The following DRG2 variants were observed in gnomAD, a reference collection of about 807,000 sequenced individuals.
DRG2 encodes developmentally-regulated GTP-binding protein 2.
In DRG2, 36 loss-of-function variants were observed where a neutral mutation model predicts 53.4. The observed-to-expected ratio is 0.67, with a 90% CI of 0.52 to 0.89. The LOEUF is 0.89. DRG2 is among the 40% of genes least tolerant of loss of function. The pLI is 0.00. For synonymous variants in DRG2, 167 were observed against 192.1 expected, an observed-to-expected ratio of 0.87 and a Z score of 1.08; for missense variants, 342 against 481.2, an observed-to-expected ratio of 0.71 and a Z score of 2.71.
chr17:18,104,742 G>T, intron 11 of DRG2, 61 bp downstream of exon 11: 2 of 1,611,914 alleles, frequency 1.2e-6, no homozygotes, highest in South Asian at 2.2e-5. Flanking sequence ...TTGGGGCTCT[G>T]TTCTGCCTGA....
chr17:18,100,912 T>C lies in DRG2; in HGVS notation c.631+253T>C, dbSNP rs1303474393. On this transcript the variant is annotated intron_variant, in intron 7 of 12. Coordinates refer to ENST00000225729, the MANE Select transcript of DRG2 (RefSeq NM_001388.5). This position sits in a 1 kb window ranked among gnomAD's most constrained non-coding sequence, Gnocchi z 4.1. ...CCAGATGACATCCGGAAGAAAAAGA[T>C]GTCATGGGAAACAGCCTCTGAGGAC... Among the ~76,000 whole-genome samples the C allele has an allele frequency of 1.3e-5, 2 of 152,056 alleles. No homozygotes were observed. The highest frequency in any genetic ancestry group is 2.4e-5 in the African/African-American group (1 of 41,404).
chr17:18,100,080 C>A lies in DRG2; in HGVS notation c.468-283C>A. 1 of 578,330 alleles carries A rather than the reference C, an allele frequency of 1.7e-6. No homozygotes were observed. The highest frequency in any genetic ancestry group is 3.1e-6 in the Non-Finnish European group (1 of 323,900). 35.8% of individuals were successfully genotyped at this position (578,330 alleles called of 1,614,324 possible). On this transcript the variant is annotated intron_variant, in intron 5 of 12. Coordinates refer to ENST00000225729, the MANE Select transcript of DRG2 (RefSeq NM_001388.5). This position sits in a 1 kb window ranked among gnomAD's most constrained non-coding sequence, Gnocchi z 4.1. ...GAGGGGTACACCAGGCCTGCCTCCT[C>A]GGGACCAGAAGGAGTACCCTCATGT... is the stretch of plus-strand genomic sequence containing the variant.
At chr17:18,090,384 ATATATATATATATATATATATATTT>A (rs1196775514) in intron 1 of DRG2, among the ~76,000 whole-genome samples, 7 of 9,286 alleles carry the variant, frequency 7.5e-4, no homozygotes, top group African/African-American at 4.7e-3. Flanking sequence ...ATATATATAT[ATATATATATATATATATATATATTT>A]TTTTTTTTTT....
intron 2 of DRG2, among the ~76,000 whole-genome samples, chr17:18,095,001 A>AG (rs2045406600): frequency 6.6e-6 from 1 of 150,738 alleles, no homozygotes; most frequent in Non-Finnish European, 1.5e-5. Context: ...AAAAAAAAAA[A>AG]AAGAAGGTTT....
chr17:18,098,914 C>T lies in DRG2; in HGVS notation c.316-103C>T, dbSNP rs2045478337. ...CACAGGTTGGCATCTGGGTTTCCCT[C>T]AGCCCCTGAGCCCCGGGGCCATTCC... On this transcript the variant is annotated intron_variant, in intron 3 of 12. Transcript: ENST00000225729. This position sits in a 1 kb window ranked among gnomAD's most constrained non-coding sequence, Gnocchi z 4.1. 1 of 1,360,502 alleles carries T rather than the reference C, an allele frequency of 7.4e-7. No homozygotes were observed. The highest frequency in any genetic ancestry group is 1.4e-5 in the African/African-American group (1 of 69,544). The allele number at this position is 1,360,502 out of a possible 1,614,324, so 84.3% of individuals were successfully genotyped here.
intron 1 of DRG2, among the ~76,000 whole-genome samples, chr17:18,092,893 TG>T (rs2045359031): frequency 2.0e-5 from 3 of 152,190 alleles, no homozygotes; most frequent in Admixed American, 2.0e-4. Context: ...GATCCCAGAA[TG>T]GTGAGCAGCT....
chr17:18,098,536 A>G lies in DRG2; in HGVS notation c.315+177A>G. 1.7e-6 allele frequency: 1 copy of G among 577,452 alleles called. No homozygotes were observed. Among genetic ancestry groups the G allele is most frequent in the Non-Finnish European group, 3.1e-6 (1 of 321,610 alleles). 35.8% of individuals were successfully genotyped at this position (577,452 alleles called of 1,614,324 possible). A position where few individuals can be genotyped will look rare whatever the true frequency, so the allele number is the denominator to read the frequency against. On this transcript the variant is annotated intron_variant, in intron 3 of 12. Transcript: ENST00000225729. This position sits in a 1 kb window ranked among gnomAD's most constrained non-coding sequence, Gnocchi z 4.1. ...CTGGGGATCCTAGCTGCTGGACCCC[A>G]GAGATGCCTGGTGGGGCCTGGAACT...
chr17:18,101,736 G>T (rs1400740331), intron 8 of DRG2, 146 bp downstream of exon 8: 7 of 1,072,588 alleles, frequency 6.5e-6, no homozygotes, highest in Non-Finnish European at 2.7e-6. Flanking sequence ...CTTGGATCTT[G>T]CAGACATAGA....
rs1209466971 is a variant in DRG2, at chr17:18,101,338, G to C, written c.632-155G>C. The stretch of plus-strand genomic sequence containing the variant: ...GTCCCTCTGGGGAAGAGAACAGAGG[G>C]CTTCCAAAGCATTACAATCTTGCAA... On this transcript the variant is annotated intron_variant, in intron 7 of 12. Transcript: ENST00000225729. 2.0e-5 allele frequency among the ~76,000 whole-genome samples: 3 copies of C among 152,260 alleles called. No individual in the cohort carries two copies. In the South Asian group the frequency reaches 6.2e-4, roughly 32 times the overall value.
At chr17:18,092,055 G>C (rs1320481029) in intron 1 of DRG2, 1 of 152,186 alleles carries the variant, frequency 6.6e-6, no homozygotes, top group Admixed American at 6.5e-5. Flanking sequence ...AGTGACATTT[G>C]AGCTGCACCT....
Position 18,107,427 on chromosome 17 carries a change from G to C in DRG2, c.*187G>C. Reference sequence around the variant, plus strand: ...AGAGTGTGTTGGGGCAAAGGGGCTCGGTTGGAGGCATTTCCCATAAGACTG... The same window carrying C: ...AGAGTGTGTTGGGGCAAAGGGGCTCCGTTGGAGGCATTTCCCATAAGACTG... On this transcript the variant is annotated 3_prime_UTR_variant, in exon 13 of 13. Transcript: ENST00000225729. The C allele has an allele frequency of 1.6e-6, 1 of 625,750 alleles. No individual in the cohort carries two copies. Among genetic ancestry groups the C allele is most frequent in the Non-Finnish European group, 2.8e-6 (1 of 354,830 alleles). 38.8% of individuals were successfully genotyped at this position (625,750 alleles called of 1,614,324 possible).
intron 12 of DRG2, 121 bp from the exon 13 acceptor site, chr17:18,107,033 C>T: frequency 3.5e-6 from 3 of 846,118 alleles, no homozygotes; most frequent in Non-Finnish European, 5.6e-6. Context: ...CATCCTGCTG[C>T]CTGAGGCCCC....
Position 18,098,996 on chromosome 17 carries a change from TTCTTC to T in DRG2, c.316-14_316-10del, listed in dbSNP as rs2045480267. 3.1e-6 allele frequency: 5 copies of T among 1,613,628 alleles called. No individual in the cohort carries two copies. The highest frequency in any genetic ancestry group is 1.7e-5 in the Admixed American group (1 of 59,984). On this transcript the variant is annotated splice_polypyrimidine_tract_variant and intron_variant, in intron 3 of 12. Coordinates refer to ENST00000225729, the MANE Select transcript of DRG2 (RefSeq NM_001388.5). This position sits in a 1 kb window ranked among gnomAD's most constrained non-coding sequence, Gnocchi z 4.1. Reference sequence around the variant, plus strand: ...GTGGAGGCCCAGCCTTGCCTTACCTTTCTTCTCTTCTGCATCCTAGTACAAAGGTG... The same window carrying T: ...GTGGAGGCCCAGCCTTGCCTTACCTTTCTTCTGCATCCTAGTACAAAGGTG...
rs563220525 is a variant in DRG2, at chr17:18,099,226, A to G, written c.376+149A>G. Reference sequence around the variant, plus strand: ...ACAGGTTCCAGTTCAAATCCTTGGCACCAAACTAGCCTTGTGATCTTGGGC... The same window carrying G: ...ACAGGTTCCAGTTCAAATCCTTGGCGCCAAACTAGCCTTGTGATCTTGGGC... On this transcript the variant is annotated intron_variant, in intron 4 of 12. Transcript: ENST00000225729. This position sits in a 1 kb window ranked among gnomAD's most constrained non-coding sequence, Gnocchi z 4.4. The G allele has an allele frequency of 2.0e-6, 2 of 1,017,372 alleles. No individual in the cohort carries two copies. The highest frequency in any genetic ancestry group is 3.1e-5 in the South Asian group (2 of 64,046). 63.0% of individuals were successfully genotyped at this position (1,017,372 alleles called of 1,614,324 possible). A position where few individuals can be genotyped will look rare whatever the true frequency, so the allele number is the denominator to read the frequency against.
At position 18,098,586 on chromosome 17, in the gene DRG2, A is replaced by G; in HGVS notation, c.315+227A>G. 4.0e-6 allele frequency: 2 copies of G among 501,676 alleles called. No individual in the cohort carries two copies. Among genetic ancestry groups the G allele is most frequent in the Non-Finnish European group, 7.3e-6 (2 of 274,896 alleles). The allele number at this position is 501,676 out of a possible 1,614,324, so 31.1% of individuals were successfully genotyped here. Reference sequence around the variant, plus strand: ...TAGGAGGTCAGGCCAGCATGTGGCTACTTTGCCTGGCGCCCCCTGTGCTCT... The same window carrying G: ...TAGGAGGTCAGGCCAGCATGTGGCTGCTTTGCCTGGCGCCCCCTGTGCTCT... On this transcript the variant is annotated intron_variant, in intron 3 of 12. Transcript: ENST00000225729. This position sits in a 1 kb window ranked among gnomAD's most constrained non-coding sequence, Gnocchi z 4.1.
chr17:18,088,217 C>G (rs2045250334), intron 1 of DRG2, 130 bp downstream of exon 1: 2 of 1,185,402 alleles, frequency 1.7e-6, no homozygotes, highest in East Asian at 5.4e-5. Flanking sequence ...AGACAAGTGC[C>G]GAGGCCGCCC....
intron 12 of DRG2, 132 bp downstream of exon 12, chr17:18,106,618 C>A: frequency 1.0e-6 from 1 of 990,072 alleles, no homozygotes; most frequent in Non-Finnish European, 1.5e-6. Context: ...GTCTGTGTGT[C>A]TGTCCTCCAT....
rs2045481590 is a variant in DRG2 at position 18,099,094 on chromosome 17, G to A, written c.376+17G>A. 1 of 1,613,768 alleles carries A rather than the reference G, an allele frequency of 6.2e-7. No individual in the cohort carries two copies. The highest frequency in any genetic ancestry group is 8.5e-7 in the Non-Finnish European group (1 of 1,180,008). ...CAGCCCAAGGTGGGAGGCAGGGCAG[G>A]TGTGTGGGAAGCAGACTGGAGCTCT... On this transcript the variant is annotated intron_variant, in intron 4 of 12. Transcript: ENST00000225729. This position sits in a 1 kb window ranked among gnomAD's most constrained non-coding sequence, Gnocchi z 4.4.
chr17:18,091,627 C>T (rs1335523307), intron 1 of DRG2, among the ~76,000 whole-genome samples: 1 of 151,866 alleles, frequency 6.6e-6, no homozygotes, highest in Admixed American at 6.6e-5. Context: ...GAGGCCAAGG[C>T]GGGCGGATCA....
Sources: gnomAD v4.1 joint callset for allele counts (sites outside exome capture counted in the v4.1 genomes callset) on GRCh38, gnomAD v4.1.1 for gene constraint, Gnocchi (gnomAD v3.1) non-coding constraint, MANE v1.5 for transcripts, NCBI Gene and HGNC (gene_info 2026-07-23, HGNC 2026-07-21) for gene names.